Variants in GLYAT observed in about 807,000 individuals in gnomAD.
GLYAT encodes the protein glycine-N-acyltransferase.
Under a neutral mutation model 22.8 loss-of-function variants are expected in GLYAT, and 25 were observed. The ratio of observed to expected loss-of-function variants is 1.09; its 90% CI spans 0.80 to 1.53. The LOEUF (loss-of-function observed/expected upper bound fraction) is 1.53, where lower values mean the gene tolerates loss of function less well. Ranked by LOEUF, GLYAT falls within the 40% of genes most tolerant of loss-of-function variation. The pLI, the probability that GLYAT is intolerant of heterozygous loss-of-function variation, is 0.00. For synonymous variants in GLYAT, 140 were observed against 122.7 expected, an observed-to-expected ratio of 1.14 and a Z score of -0.93; for missense variants, 411 against 353.9, an observed-to-expected ratio of 1.16 and a Z score of -1.29.
chr11:58,717,398 C>A (rs1026572171), intron 2 of GLYAT, among the ~76,000 whole-genome samples: 3 of 151,980 alleles, frequency 2.0e-5, no homozygotes, highest in Non-Finnish European at 4.4e-5. Context: ...CCACATTATT[C>A]TAAAATCCAT....
chr11:58,722,761 A>G (rs1332898365), intron 2 of GLYAT, among the ~76,000 whole-genome samples: 3 of 152,082 alleles, frequency 2.0e-5, no homozygotes, highest in Non-Finnish European at 2.9e-5. Context: ...GGCAGCTGTT[A>G]TCAGTTGAAT....
chr11:58,712,283 G>T (rs901678987), intron 4 of GLYAT, among the ~76,000 whole-genome samples: 2 of 152,142 alleles, frequency 1.3e-5, no homozygotes, highest in African/African-American at 4.8e-5. Flanking sequence ...TATATATGAG[G>T]AACATAATCT....
intron 1 of GLYAT, among the ~76,000 whole-genome samples, chr11:58,727,677 C>T (rs536146901): frequency 1.8e-4 from 28 of 152,286 alleles, no homozygotes; most frequent in South Asian, 1.0e-3. Flanking sequence ...CAGCAGCTTC[C>T]TGATAAGATC....
In GLYAT at chr11:58,728,216, C is replaced by A. The variant is rs187206137; in HGVS notation, c.-16+3619G>T. ...TAGCTGGGATTACAGGCACGCAACA[C>A]CACACCCAAGTAATTTTTGTATTTT... On this transcript the variant is annotated intron_variant, in intron 1 of 5. Transcript: ENST00000344743. 3.2e-3 allele frequency among the ~76,000 whole-genome samples: 484 copies of A among 152,068 alleles called. 5 individuals are homozygous for A. Among genetic ancestry groups the A allele is most frequent in the Non-Finnish European group, 1.9e-3 (132 of 68,000 alleles).
intron 4 of GLYAT, among the ~76,000 whole-genome samples, chr11:58,712,158 G>T (rs1856623907): frequency 6.6e-6 from 1 of 152,206 alleles, no homozygotes; most frequent in South Asian, 2.1e-4. Context: ...TATTAGGTTT[G>T]CTATGCAGCA....
At chr11:58,723,584 G>A (rs190606420) in intron 2 of GLYAT, among the ~76,000 whole-genome samples, 76 of 152,044 alleles carry the variant, frequency 5.0e-4, no homozygotes, top group Admixed American at 3.1e-3. Context: ...CACTATATAG[G>A]AATGTCTTCT....
intron 3 of GLYAT, among the ~76,000 whole-genome samples, chr11:58,713,376 A>G (rs1856640408): frequency 6.6e-6 from 1 of 152,168 alleles, no homozygotes; most frequent in African/African-American, 2.4e-5. Flanking sequence ...AAAAGACATA[A>G]CCATTTAGAA....
intron 3 of GLYAT, among the ~76,000 whole-genome samples, chr11:58,713,465 T>A (rs1856641486): frequency 6.6e-6 from 1 of 152,104 alleles, no homozygotes. Flanking sequence ...GTCACAAGAA[T>A]AAATTTTACT....
intron 4 of GLYAT, among the ~76,000 whole-genome samples, chr11:58,711,910 T>C (rs2134479649): frequency 6.6e-6 from 1 of 152,344 alleles, no homozygotes; most frequent in Non-Finnish European, 1.5e-5. Flanking sequence ...TTAAGACCAA[T>C]ACCATTAAGA....
intron 1 of GLYAT, among the ~76,000 whole-genome samples, chr11:58,729,509 G>A (rs1213998582): frequency 6.6e-6 from 1 of 152,114 alleles, no homozygotes; most frequent in Non-Finnish European, 1.5e-5. Flanking sequence ...GAGGCAGGAT[G>A]CTCATATTAC....
rs1489746007 is a variant in GLYAT at position 58,731,876 on chromosome 11, T to A, written c.-57A>T. The A allele has an allele frequency of 6.6e-6, 1 of 152,194 alleles. No individual in the cohort carries two copies. The highest frequency in any genetic ancestry group is 6.5e-5 in the Admixed American group (1 of 15,276). 9.4% of individuals were successfully genotyped at this position (152,194 alleles called of 1,614,324 possible). On this transcript the variant is annotated 5_prime_UTR_variant, in exon 1 of 6. Transcript: ENST00000344743. ...TGCAGATGTTTCCGGGAAGAAACGA[T>A]GAGCAACACCCTTCTGGGAGATGAA...
chr11:58,728,876 AAG>A (rs1220753355), intron 1 of GLYAT: 2 of 118,278 alleles, frequency 1.7e-5, no homozygotes, highest in African/African-American at 3.4e-5. Context: ...GAAAGAAAGA[AAG>A]AAAGAAAGAA....
intron 1 of GLYAT, among the ~76,000 whole-genome samples, chr11:58,728,375 A>C (rs956931234): frequency 5.9e-5 from 9 of 151,886 alleles, no homozygotes; most frequent in Admixed American, 2.6e-4. Flanking sequence ...CTTTTTAAAA[A>C]ACTTTCACTG....
chr11:58,720,216 T>C (rs909034567), intron 2 of GLYAT, among the ~76,000 whole-genome samples: 1 of 152,018 alleles, frequency 6.6e-6, no homozygotes, highest in Admixed American at 6.6e-5. Context: ...GTTTATTTTT[T>C]AGCAAGAATA....
At chr11:58,720,492 C>T (rs1305660081) in intron 2 of GLYAT, among the ~76,000 whole-genome samples, 1 of 151,978 alleles carries the variant, frequency 6.6e-6, no homozygotes, top group Non-Finnish European at 1.5e-5. Context: ...TGGCTTTTAA[C>T]GTCCAAGCTG....
At position 58,722,239 on chromosome 11, in the gene GLYAT, C is replaced by T. The variant is rs560353093; in HGVS notation, c.81+2177G>A. On this transcript the variant is annotated intron_variant, in intron 2 of 5. Coordinates refer to ENST00000344743, the MANE Select transcript of GLYAT (RefSeq NM_201648.3). ...TTGTCAAAGGTCAGGGGCATCTCCA[C>T]TCAGAATGCTCCCATGGTTACCAAA... Among the ~76,000 whole-genome samples the T allele has an allele frequency of 5.3e-5, 8 of 152,104 alleles. No individual in the cohort carries two copies. The East Asian group carries it at 9.7e-4, about 18-fold the overall frequency.
At chr11:58,730,674 C>A (rs1396658161) in intron 1 of GLYAT, among the ~76,000 whole-genome samples, 1 of 152,084 alleles carries the variant, frequency 6.6e-6, no homozygotes, top group Non-Finnish European at 1.5e-5. Flanking sequence ...GGAATCTAAC[C>A]CTGGACTCAC....
intron 2 of GLYAT, among the ~76,000 whole-genome samples, chr11:58,721,147 C>T (rs1023812787): frequency 1.3e-5 from 2 of 151,620 alleles, no homozygotes; most frequent in Non-Finnish European, 2.9e-5. Context: ...TAAAGATCAC[C>T]CCACTTTTTT....
At chr11:58,730,172 T>A (rs1369870811) in intron 1 of GLYAT, among the ~76,000 whole-genome samples, 1 of 151,988 alleles carries the variant, frequency 6.6e-6, no homozygotes, top group Non-Finnish European at 1.5e-5. Context: ...GAAAACAATT[T>A]AAAAGAAGAA....
Sources: gnomAD v4.1 joint callset for allele counts (sites outside exome capture counted in the v4.1 genomes callset) on GRCh38, gnomAD v4.1.1 for gene constraint, MANE v1.5 for transcripts, NCBI Gene and HGNC (gene_info 2026-07-23, HGNC 2026-07-21) for gene names.